Variants in WDR48 observed in about 807,000 individuals in gnomAD.
The protein encoded by WDR48 is WD repeat-containing protein 48.
A neutral mutation model predicts 94.0 loss-of-function variants in WDR48; 22 were observed. The ratio of observed to expected loss-of-function variants is 0.23; its 90% CI spans 0.17 to 0.33. The LOEUF is 0.33. WDR48 is among the 10% of genes least tolerant of loss of function. The pLI, the probability that WDR48 is intolerant of heterozygous loss-of-function variation, is 1.00. For synonymous variants in WDR48, 278 were observed against 280.5 expected (o/e 0.99, Z 0.09); for missense variants, 541 against 813.8 (o/e 0.66, Z 4.08).
chr3:39,056,953 G>A (rs2032930479), intron 1 of WDR48, among the ~76,000 whole-genome samples: 2 of 152,032 alleles, frequency 1.3e-5, no homozygotes, highest in African/African-American at 4.8e-5. Context: ...AGAAGAAGGA[G>A]GGTTTGGAGG....
chr3:39,075,447 G>A (rs1035647009), intron 8 of WDR48, among the ~76,000 whole-genome samples: 1 of 152,068 alleles, frequency 6.6e-6, no homozygotes, highest in Non-Finnish European at 1.5e-5. Flanking sequence ...GTAAGGAAGT[G>A]GAAGAGTACT....
chr3:39,060,668 A>G (rs2033201928), intron 1 of WDR48, among the ~76,000 whole-genome samples: 1 of 152,162 alleles, frequency 6.6e-6, no homozygotes, highest in Non-Finnish European at 1.5e-5. Flanking sequence ...GTAAATATTC[A>G]CCTGTCTTTT....
intron 1 of WDR48, among the ~76,000 whole-genome samples, chr3:39,055,104 T>C (rs1309030876): frequency 6.6e-6 from 1 of 152,226 alleles, no homozygotes; most frequent in East Asian, 1.9e-4. Flanking sequence ...CTTTGTCTCC[T>C]GACTGTCTCA....
intron 2 of WDR48, 84 bp from the exon 3 acceptor site, chr3:39,065,727 A>T: frequency 7.7e-6 from 8 of 1,032,514 alleles, no homozygotes; most frequent in Non-Finnish European, 1.1e-5. Flanking sequence ...ATGTCACATT[A>T]ATTGAAGAAT....
intron 14 of WDR48, among the ~76,000 whole-genome samples, chr3:39,085,990 C>T (rs2034789688): frequency 6.6e-6 from 1 of 152,186 alleles, no homozygotes. Flanking sequence ...CCAGGTTTGT[C>T]ATTGCATAGT....
intron 10 of WDR48, among the ~76,000 whole-genome samples, chr3:39,078,973 T>G (rs1366392259): frequency 6.9e-6 from 1 of 144,350 alleles, no homozygotes; most frequent in African/African-American, 2.6e-5. Context: ...GAGCTTGCAG[T>G]GAGCCGAGAT....
At chr3:39,067,015 C>T (rs1401165041) in intron 5 of WDR48, 140 bp downstream of exon 5, 1 of 960,444 alleles carries the variant, frequency 1.0e-6, no homozygotes, top group South Asian at 1.7e-5. Flanking sequence ...GCGTTCTGGC[C>T]CCCAAGAGTA....
At chr3:39,085,217 A>G (rs905922740) in intron 13 of WDR48, among the ~76,000 whole-genome samples, 6 of 145,390 alleles carry the variant, frequency 4.1e-5, no homozygotes, top group Non-Finnish European at 7.4e-5. Flanking sequence ...ACAGAGCGAG[A>G]CTCTATCTCA....
intron 7 of WDR48, among the ~76,000 whole-genome samples, chr3:39,072,583 G>C (rs2033999379): frequency 6.6e-6 from 1 of 152,196 alleles, no homozygotes; most frequent in South Asian, 2.1e-4. Context: ...TTCATTGGCA[G>C]AAACAAAGAG....
chr3:39,069,298 T>C (rs932074855), intron 6 of WDR48, among the ~76,000 whole-genome samples: 7 of 152,178 alleles, frequency 4.6e-5, no homozygotes, highest in Non-Finnish European at 1.0e-4. Context: ...AAAGGGTGGT[T>C]TGAACATTAG....
intron 13 of WDR48, 79 bp from the exon 14 acceptor site, chr3:39,085,436 C>A (rs551287729): frequency 1.2e-5 from 14 of 1,138,526 alleles, no homozygotes; most frequent in East Asian, 1.2e-4. Flanking sequence ...TACAAACTTA[C>A]AATTTTTATT....
chr3:39,065,713 C>T (rs2033561786), intron 2 of WDR48, 98 bp from the exon 3 acceptor site: 1 of 821,540 alleles, frequency 1.2e-6, no homozygotes. Flanking sequence ...ATGCCTAGAG[C>T]AGTATGTCAC....
intron 1 of WDR48, among the ~76,000 whole-genome samples, chr3:39,056,828 G>A (rs2032923092): frequency 6.6e-6 from 1 of 152,198 alleles, no homozygotes; most frequent in South Asian, 2.1e-4. Flanking sequence ...AAAGAAAGAA[G>A]GAGGCATTAG....
rs1675414186 is a variant in WDR48 at position 39,094,800 on chromosome 3, G to A, written c.*57G>A. 1 of 1,603,928 alleles carries A rather than the reference G, an allele frequency of 6.2e-7. No homozygotes were observed. Among genetic ancestry groups the A allele is most frequent in the South Asian group, 1.1e-5 (1 of 89,748 alleles). On this transcript the variant is annotated 3_prime_UTR_variant, in exon 19 of 19. Transcript: ENST00000302313. ...ACGACCTTCCTCTATGGCCCCAAGA[G>A]TAGTCCTAGGAAGCCCACTGATCCC...
At chr3:39,065,044 A>G (rs2033519964) in intron 2 of WDR48, among the ~76,000 whole-genome samples, 1 of 152,188 alleles carries the variant, frequency 6.6e-6, no homozygotes. Context: ...ACAAGATTGA[A>G]TAGCATTATT....
At chr3:39,082,360 C>G (rs1367010338) in intron 11 of WDR48, among the ~76,000 whole-genome samples, 1 of 151,936 alleles carries the variant, frequency 6.6e-6, no homozygotes, top group African/African-American at 2.4e-5. Context: ...CAGCTCACTG[C>G]AACCTCTGAC....
intron 6 of WDR48, 83 bp from the exon 7 acceptor site, chr3:39,069,560 T>C: frequency 8.4e-7 from 1 of 1,195,358 alleles, no homozygotes; most frequent in East Asian, 2.5e-5. Flanking sequence ...ATAATGGTTA[T>C]CATTTGACTT....
At chr3:39,065,556 C>CAAAAAAAAAAA (rs34404622) in intron 2 of WDR48, among the ~76,000 whole-genome samples, 1 of 116,568 alleles carries the variant, frequency 8.6e-6, no homozygotes. Context: ...TTTAACAAGG[C>CAAAAAAAAAAA]AAAAAAAAAA....
At chr3:39,069,830 C>A (rs1321405338) in intron 7 of WDR48, 86 bp downstream of exon 7, 3 of 1,011,610 alleles carry the variant, frequency 3.0e-6, no homozygotes, top group South Asian at 2.6e-5. Context: ...TGATTTGAAC[C>A]GAAAGCCACA....
Sources: allele counts gnomAD v4.1 joint callset (sites outside exome capture counted in the v4.1 genomes callset), GRCh38; gene constraint gnomAD v4.1.1; transcripts MANE v1.5; gene names NCBI Gene and HGNC (gene_info 2026-07-23, HGNC 2026-07-21).